Variants in WRNIP1 observed in about 807,000 individuals in gnomAD.
The protein encoded by WRNIP1 is WRN helicase interacting protein 1.
In WRNIP1, 41 loss-of-function variants were observed where a neutral mutation model predicts 56.1. The observed-to-expected ratio is 0.73, with a 90% confidence interval of 0.57 to 0.95. The LOEUF (loss-of-function observed/expected upper bound fraction) is 0.95. Ranked by LOEUF, WRNIP1 falls within the 40% of genes least tolerant of loss-of-function variation. The probability of loss-of-function intolerance (pLI) is 0.00; values close to 1 mark genes in which losing one functional copy is unlikely to be tolerated. For synonymous variants in WRNIP1, 547 were observed against 398.1 expected (o/e 1.37, Z -4.45); for missense variants, 1,170 against 939.4 (o/e 1.25, Z -3.21).
Position 2,785,213 on chromosome 6 carries a change from G to A in WRNIP1, c.1929G>A (p.Glu643=), listed in dbSNP as rs749924838. 3.7e-6 allele frequency: 6 copies of A among 1,614,208 alleles called. No individual in the cohort carries two copies. In the South Asian group the frequency reaches 5.5e-5, roughly 15 times the overall value. The change falls in exon 7 of 7, where the codon GAG becomes GAA. Residue 643 remains glutamate (E), a synonymous_variant. Transcript: ENST00000380773. The part of the protein sequence containing the change: ...KGYKYNPMYS[E]PVDQEYLPEE... ...ACAAGTACAACCCCATGTACAGCGA[G>A]CCTGTGGATCAGGAGTACCTGCCTG...
intron 3 of WRNIP1, chr6:2,773,854 T>A: frequency 1.0e-6 from 1 of 984,454 alleles, no homozygotes; most frequent in Non-Finnish European, 1.2e-6. Flanking sequence ...AACTGCCCTC[T>A]GCCTAGCTAG....
Position 2,785,093 on chromosome 6 carries a change from C to T in WRNIP1, c.1809C>T (p.Cys603=). The T allele has an allele frequency of 6.2e-7, 1 of 1,614,196 alleles. No homozygotes were observed. Among genetic ancestry groups the T allele is most frequent in the Non-Finnish European group, 8.5e-7 (1 of 1,180,038 alleles). Residue 603 remains cysteine, a synonymous_variant, in exon 7 of 7, where the codon TGC becomes TGT. Coordinates refer to ENST00000380773, the MANE Select transcript of WRNIP1 (RefSeq NM_020135.3). ...GCGCCTACAACAACGTCAAAGCCTGCCTGAGGAACCACCAGGGGCCACTGC... is the reference window on the plus strand; with the variant it reads ...GCGCCTACAACAACGTCAAAGCCTGTCTGAGGAACCACCAGGGGCCACTGC... The part of the protein sequence containing the change: ...VYSAYNNVKA[C]LRNHQGPLPP...
intron 3 of WRNIP1, among the ~76,000 whole-genome samples, chr6:2,777,031 G>A (rs1185463046): frequency 2.0e-5 from 3 of 152,168 alleles, no homozygotes; most frequent in East Asian, 1.9e-4. Context: ...TTTGTTTTAG[G>A]TTAGCTGTAA....
rs1305382400 is a variant in WRNIP1, at chr6:2,783,542, G to C, written c.1623G>C (p.Arg541Ser). Residue 541 changes from arginine to serine, a missense_variant, in exon 5 of 7, where the codon AGG (arginine) becomes AGC (serine). Transcript: ENST00000380773. ...DPLYVARRLVRFASEDIGLAD... is the reference protein window; with the variant it reads ...DPLYVARRLVSFASEDIGLAD... ...TCTACGTGGCACGGAGGCTTGTCAG[G>C]TTTGCCAGCGAGGACATAGGTGAGT... 1.2e-6 allele frequency: 2 copies of C among 1,611,930 alleles called. No individual in the cohort carries two copies. The highest frequency in any genetic ancestry group is 1.7e-6 in the Non-Finnish European group (2 of 1,178,984).
At chr6:2,778,847 A>G (rs951814140) in intron 3 of WRNIP1, among the ~76,000 whole-genome samples, 6 of 152,238 alleles carry the variant, frequency 3.9e-5, no homozygotes, top group African/African-American at 1.4e-4. Context: ...GTCTAAGCAC[A>G]TCTGTCTCAT....
At position 2,783,387 on chromosome 6, in the gene WRNIP1, G is replaced by A. The variant is rs767841216; in HGVS notation, c.1487-19G>A. ...CCCTCCTGTGAGCTCTGTGTGAGTG[G>A]TGCTCTTTGTGATGTCAGGTGAGGA... On this transcript the variant is annotated intron_variant, in intron 4 of 6. Transcript: ENST00000380773. 6.4e-7 allele frequency: 1 copy of A among 1,571,634 alleles called. No homozygotes were observed. Among genetic ancestry groups the A allele is most frequent in the South Asian group, 1.2e-5 (1 of 86,836 alleles).
intron 1 of WRNIP1, among the ~76,000 whole-genome samples, chr6:2,767,265 T>G (rs1765058280): frequency 6.6e-6 from 1 of 152,176 alleles, no homozygotes; most frequent in Admixed American, 6.5e-5. Flanking sequence ...CAGAGAAAGC[T>G]AAGAAGTGCT....
At chr6:2,778,611 G>A (rs1250717244) in intron 3 of WRNIP1, among the ~76,000 whole-genome samples, 1 of 152,166 alleles carries the variant, frequency 6.6e-6, no homozygotes, top group Non-Finnish European at 1.5e-5. Context: ...CTGCTACCCT[G>A]TGCGGATTTT....
rs777315318 is a variant in WRNIP1, at chr6:2,766,109, C to CAGG, written c.500_502dup (p.Glu167dup). ...GCGCAGCTGGGACGAGGCGGAGGCG[C>CAGG]AGGAGGAGGAGGAGGCCGTGGGCGA... On this transcript the variant is annotated inframe_insertion, in exon 1 of 7. Coordinates refer to ENST00000380773, the MANE Select transcript of WRNIP1 (RefSeq NM_020135.3). The CAGG allele has an allele frequency of 2.0e-5, 27 of 1,318,236 alleles. No individual in the cohort carries two copies. The highest frequency in any genetic ancestry group is 8.8e-5 in the South Asian group (4 of 45,510). The allele number at this position is 1,318,236 out of a possible 1,614,324, so 81.7% of individuals were successfully genotyped here.
intron 4 of WRNIP1, among the ~76,000 whole-genome samples, chr6:2,779,796 A>G (rs1371370681): frequency 6.6e-6 from 1 of 152,182 alleles, no homozygotes; most frequent in African/African-American, 2.4e-5. Flanking sequence ...GAATACAATC[A>G]CCTTTGAAAG....
At chr6:2,768,582 G>A in intron 1 of WRNIP1, 109 bp from the exon 2 acceptor site, 1 of 850,468 alleles carries the variant, frequency 1.2e-6, no homozygotes, top group Non-Finnish European at 1.7e-6. Context: ...TTCTTCCGAG[G>A]TCAAGTTGCT....
intron 2 of WRNIP1, 42 bp from the exon 3 acceptor site, chr6:2,770,078 G>A: frequency 1.9e-6 from 3 of 1,611,148 alleles, no homozygotes; most frequent in Non-Finnish European, 1.7e-6. Context: ...GCAGGTGGCT[G>A]TTGACTGGAA....
Position 2,785,215 on chromosome 6 carries a change from C to CT in WRNIP1, c.1932dup (p.Val645CysfsTer8). 1.2e-6 allele frequency: 2 copies of CT among 1,614,124 alleles called. No individual in the cohort carries two copies. The highest frequency in any genetic ancestry group is 1.7e-6 in the Non-Finnish European group (2 of 1,180,024). On this transcript the variant is annotated frameshift_variant, in exon 7 of 7. Coordinates refer to ENST00000380773, the MANE Select transcript of WRNIP1 (RefSeq NM_020135.3). LOFTEE classifies it high-confidence loss of function. The stretch of plus-strand genomic sequence containing the variant: ...AAGTACAACCCCATGTACAGCGAGC[C>CT]TGTGGATCAGGAGTACCTGCCTGAA...
At chr6:2,767,008 T>C (rs1191273944) in intron 1 of WRNIP1, among the ~76,000 whole-genome samples, 1 of 152,232 alleles carries the variant, frequency 6.6e-6, no homozygotes, top group African/African-American at 2.4e-5. Context: ...CTAAATATAC[T>C]CATGTATTTA....
chr6:2,766,164 A>ACGGCGAGGACGACCCGGGGCACTG lies in WRNIP1; in HGVS notation c.543_566dup (p.His188_Trp189insCysGlyGluAspAspProGlyHis). 1.5e-6 allele frequency: 2 copies of ACGGCGAGGACGACCCGGGGCACTG among 1,333,608 alleles called. No homozygotes were observed. Among genetic ancestry groups the ACGGCGAGGACGACCCGGGGCACTG allele is most frequent in the Non-Finnish European group, 1.9e-6 (2 of 1,048,432 alleles). 82.6% of individuals were successfully genotyped at this position (1,333,608 alleles called of 1,614,324 possible). A position where few individuals can be genotyped will look rare whatever the true frequency, so the allele number is the denominator to read the frequency against. Reference sequence around the variant, plus strand: ...GATGGCGACGGGGACGCGGACGCGGACGGCGAGGACGACCCGGGGCACTGG... The same window carrying ACGGCGAGGACGACCCGGGGCACTG: ...GATGGCGACGGGGACGCGGACGCGGACGGCGAGGACGACCCGGGGCACTGCGGCGAGGACGACCCGGGGCACTGG... On this transcript the variant is annotated inframe_insertion, in exon 1 of 7. Coordinates refer to ENST00000380773, the MANE Select transcript of WRNIP1 (RefSeq NM_020135.3).
chr6:2,777,287 A>C (rs991692712), intron 3 of WRNIP1, among the ~76,000 whole-genome samples: 2 of 152,220 alleles, frequency 1.3e-5, no homozygotes, highest in Non-Finnish European at 2.9e-5. Flanking sequence ...GTCTGGGAAT[A>C]CAAAGAATAA....
chr6:2,784,355 G>A lies in WRNIP1; in HGVS notation c.1674G>A (p.Ala558=), dbSNP rs139507877. 82 of 1,614,084 alleles carry A rather than the reference G, an allele frequency of 5.1e-5. No homozygotes were observed. Among genetic ancestry groups the A allele is most frequent in the East Asian group, 8.9e-5 (4 of 44,888 alleles). The change falls in exon 6 of 7, where the codon GCG becomes GCA. Residue 558 remains alanine (A), a synonymous_variant. Transcript: ENST00000380773. The stretch of plus-strand genomic sequence containing the variant: ...CAGACCCGTCTGCGTTAACACAAGC[G>A]GTTGCTGCCTACCAAGGCTGTCATT... ...GLADPSALTQ[A]VAAYQGCHFI... is the part of the protein sequence containing the mutation.
chr6:2,773,655 T>G (rs1765363062), intron 3 of WRNIP1: 1 of 985,376 alleles, frequency 1.0e-6, no homozygotes, highest in Admixed American at 6.1e-5. Context: ...AGAATGAGCT[T>G]GTGCTGCTGA....
At chr6:2,776,351 T>G (rs1765430644) in intron 3 of WRNIP1, among the ~76,000 whole-genome samples, 1 of 152,230 alleles carries the variant, frequency 6.6e-6, no homozygotes, top group African/African-American at 2.4e-5. Flanking sequence ...GGTCCTGTAT[T>G]ACTTGGACAG....
Sources: gnomAD v4.1 joint callset for allele counts (sites outside exome capture counted in the v4.1 genomes callset) on GRCh38, gnomAD v4.1.1 for gene constraint, MANE v1.5 for transcripts, NCBI Gene and HGNC (gene_info 2026-07-23, HGNC 2026-07-21) for gene names.